PLA2G12A: variants seen among roughly 807,000 people sequenced by gnomAD.
The protein encoded by PLA2G12A is group XIIA secretory phospholipase A2.
A neutral mutation model predicts 16.0 loss-of-function variants in PLA2G12A; 11 were observed. The observed-to-expected ratio is 0.69, with a 90% CI of 0.43 to 1.13. The LOEUF (loss-of-function observed/expected upper bound fraction) is 1.13, where lower values mean the gene tolerates loss of function less well. PLA2G12A is among the 50% of genes most tolerant of loss of function. The pLI is 0.00. For synonymous variants in PLA2G12A, 77 were observed against 93.8 expected, an observed-to-expected ratio of 0.82 and a Z score of 1.03; for missense variants, 214 against 237.3, an observed-to-expected ratio of 0.90 and a Z score of 0.65.
chr4:109,723,862 T>C (rs2126168252), intron 1 of PLA2G12A, among the ~76,000 whole-genome samples: 1 of 152,348 alleles, frequency 6.6e-6, no homozygotes, highest in East Asian at 1.9e-4. Context: ...AACTGGACTG[T>C]TTTAAATTTA....
At chr4:109,726,199 T>C (rs1722935316) in intron 1 of PLA2G12A, among the ~76,000 whole-genome samples, 1 of 152,200 alleles carries the variant, frequency 6.6e-6, no homozygotes. Context: ...TACCCAAGGC[T>C]ATGACTCCAA....
chr4:109,718,584 T>G (rs1000161169), intron 2 of PLA2G12A, 99 bp downstream of exon 2: 2 of 925,348 alleles, frequency 2.2e-6, no homozygotes, highest in Non-Finnish European at 3.3e-6. Context: ...CCCAGCTAAA[T>G]TATTTGTGAA....
chr4:109,713,253 GAA>G lies in PLA2G12A; in HGVS notation c.*1122_*1123del, dbSNP rs1730768440. 1 of 152,144 alleles carries G rather than the reference GAA, an allele frequency of 6.6e-6. No homozygotes were observed. Among genetic ancestry groups the G allele is most frequent in the East Asian group, 1.9e-4 (1 of 5,190 alleles). The allele number at this position is 152,144 out of a possible 1,614,324, so 9.4% of individuals were successfully genotyped here. On this transcript the variant is annotated 3_prime_UTR_variant, in exon 4 of 4. Transcript: ENST00000243501. ...ACATAACTGAGCATTCCAAGAGATT[GAA>G]AAGTTTTCAACATTCATAGACATCT...
intron 1 of PLA2G12A, among the ~76,000 whole-genome samples, chr4:109,720,673 GA>G (rs1317977758): frequency 7.7e-6 from 1 of 129,072 alleles, no homozygotes; most frequent in Non-Finnish European, 1.6e-5. Context: ...AAAAGAAAGA[GA>G]AAAAAATAAA....
chr4:109,729,248 A>T (rs1722997547), intron 1 of PLA2G12A, among the ~76,000 whole-genome samples: 1 of 152,108 alleles, frequency 6.6e-6, no homozygotes, highest in Non-Finnish European at 1.5e-5. Context: ...AGAAGCAAAA[A>T]TGAGCTAAAA....
chr4:109,716,794 T>A (rs1053185262), intron 3 of PLA2G12A, among the ~76,000 whole-genome samples: 2 of 152,190 alleles, frequency 1.3e-5, no homozygotes, highest in African/African-American at 4.8e-5. Flanking sequence ...CTGGGGACCT[T>A]CCCAACAGAA....
At position 109,730,004 on chromosome 4, in the gene PLA2G12A, G is replaced by C; in HGVS notation, c.-195C>G. 1 of 527,584 alleles carries C rather than the reference G, an allele frequency of 1.9e-6. No homozygotes were observed. Among genetic ancestry groups the C allele is most frequent in the Admixed American group, 4.1e-5 (1 of 24,146 alleles). The allele number at this position is 527,584 out of a possible 1,614,324, so 32.7% of individuals were successfully genotyped here. Reference sequence around the variant, plus strand: ...ACCGCCTCGGGCAGGCAGCGCCGTCGCGGGGACGCGCCCGCTCACCTGGAC... The same window carrying C: ...ACCGCCTCGGGCAGGCAGCGCCGTCCCGGGGACGCGCCCGCTCACCTGGAC... On this transcript the variant is annotated 5_prime_UTR_variant, in exon 1 of 4. Coordinates refer to ENST00000243501, the MANE Select transcript of PLA2G12A (RefSeq NM_030821.5).
rs1186311632 is a variant in PLA2G12A at position 109,712,940 on chromosome 4, C to T, written c.*1437G>A. ...CAAGGCATACATGTGCCTTGTCTCACTGGAACAGCTGCCACCAATTCAAGT... is the reference window on the plus strand; with the variant it reads ...CAAGGCATACATGTGCCTTGTCTCATTGGAACAGCTGCCACCAATTCAAGT... On this transcript the variant is annotated 3_prime_UTR_variant, in exon 4 of 4. Transcript: ENST00000243501. 6.6e-6 allele frequency: 1 copy of T among 152,234 alleles called. No individual in the cohort carries two copies. The highest frequency in any genetic ancestry group is 1.5e-5 in the Non-Finnish European group (1 of 68,042). The allele number at this position is 152,234 out of a possible 1,614,324, so 9.4% of individuals were successfully genotyped here.
chr4:109,714,470 CAA>C lies in PLA2G12A; in HGVS notation c.475_476del (p.Leu159ValfsTer2), dbSNP rs1313853204. On this transcript the variant is annotated frameshift_variant, in exon 4 of 4. Coordinates refer to ENST00000243501, the MANE Select transcript of PLA2G12A (RefSeq NM_030821.5). LOFTEE classifies it high-confidence loss of function. Reference protein sequence around the residue: ...VQACETTVELLFDSVIHLGCK... With the variant: ...VQACETTVELXFDSVIHLGCK... ...AACCTAAATGTATAACACTGTCAAA[CAA>C]GAGCTCCACTGTTGTTTCACATGCT... 2 of 1,613,706 alleles carry C rather than the reference CAA, an allele frequency of 1.2e-6. No homozygotes were observed. Among genetic ancestry groups the C allele is most frequent in the African/African-American group, 2.7e-5 (2 of 74,890 alleles).
At chr4:109,725,787 A>G (rs1722923617) in intron 1 of PLA2G12A, among the ~76,000 whole-genome samples, 1 of 152,188 alleles carries the variant, frequency 6.6e-6, no homozygotes, top group Admixed American at 6.5e-5. Flanking sequence ...ACCTGACAGA[A>G]TATGAAGCAG....
intron 3 of PLA2G12A, among the ~76,000 whole-genome samples, chr4:109,716,074 G>A (rs1022105781): frequency 3.3e-5 from 5 of 152,220 alleles, no homozygotes; most frequent in Non-Finnish European, 5.9e-5. Flanking sequence ...GTTACAAGAT[G>A]ATTGGTTTCA....
At chr4:109,718,834 T>C in intron 1 of PLA2G12A, 75 bp from the exon 2 acceptor site, 1 of 938,032 alleles carries the variant, frequency 1.1e-6, no homozygotes, top group Non-Finnish European at 1.6e-6. Context: ...AAGGTCAATA[T>C]GCTACATTAG....
chr4:109,729,037 A>G lies in PLA2G12A; in HGVS notation c.208+565T>C, dbSNP rs1722991197. ...TTAACGTTAACCAACAATGAGGAGGAGGCGGGTCACTGATATCTAAGGAAA... is the reference window on the plus strand; with the variant it reads ...TTAACGTTAACCAACAATGAGGAGGGGGCGGGTCACTGATATCTAAGGAAA... On this transcript the variant is annotated intron_variant, in intron 1 of 3. Transcript: ENST00000243501. Among the ~76,000 whole-genome samples, 3 of 152,186 alleles carry G rather than the reference A, an allele frequency of 2.0e-5. No homozygotes were observed. In the South Asian group the frequency reaches 6.2e-4, roughly 32 times the overall value.
chr4:109,720,574 CAAAAAAAAAAAAAAAA>C lies in PLA2G12A; in HGVS notation c.209-1831_209-1816del, dbSNP rs61477793. On this transcript the variant is annotated intron_variant, in intron 1 of 3. Transcript: ENST00000243501. ...AACATGATGAGACTCTGTCTGTATT[CAAAAAAAAAAAAAAAA>C]AAAAAAAAAAAAAAATATATATATA... 4.0e-3 allele frequency among the ~76,000 whole-genome samples: 148 copies of C among 37,324 alleles called. 1 individual carries two copies. Among genetic ancestry groups the C allele is most frequent in the Non-Finnish European group, 5.0e-3 (112 of 22,604 alleles). 24.5% of individuals were successfully genotyped at this position (37,324 alleles called of 152,430 possible). A position where few individuals can be genotyped will look rare whatever the true frequency, so the allele number is the denominator to read the frequency against.
intron 1 of PLA2G12A, among the ~76,000 whole-genome samples, chr4:109,725,936 T>C (rs1318463436): frequency 6.6e-6 from 1 of 152,200 alleles, no homozygotes; most frequent in Non-Finnish European, 1.5e-5. Flanking sequence ...CTTATATTAC[T>C]TTATTTTTCT....
In PLA2G12A at chr4:109,714,053, G is replaced by C. The variant is rs1293798652; in HGVS notation, c.*324C>G. On this transcript the variant is annotated 3_prime_UTR_variant, in exon 4 of 4. Transcript: ENST00000243501. ...TATTTGATCTCTTTTTTTGGTAAAT[G>C]TGGTTGTGAAAATTGAGTTATATAT... 1.4e-5 allele frequency: 3 copies of C among 214,018 alleles called. No individual in the cohort carries two copies. Among genetic ancestry groups the C allele is most frequent in the African/African-American group, 6.8e-5 (3 of 44,176 alleles). 13.3% of individuals were successfully genotyped at this position (214,018 alleles called of 1,614,324 possible). A position where few individuals can be genotyped will look rare whatever the true frequency, so the allele number is the denominator to read the frequency against.
intron 1 of PLA2G12A, among the ~76,000 whole-genome samples, chr4:109,719,372 T>C (rs935896437): frequency 3.3e-5 from 5 of 152,082 alleles, no homozygotes; most frequent in Non-Finnish European, 5.9e-5. Context: ...ACAAATATAC[T>C]TCTTTGCCAT....
intron 1 of PLA2G12A, among the ~76,000 whole-genome samples, chr4:109,721,399 G>A (rs1418218123): frequency 6.7e-6 from 1 of 148,184 alleles, no homozygotes; most frequent in African/African-American, 2.5e-5. Context: ...TTGGCTCATC[G>A]CAACCTCTGC....
At chr4:109,717,262 A>G (rs1419008916) in intron 3 of PLA2G12A, among the ~76,000 whole-genome samples, 1 of 152,226 alleles carries the variant, frequency 6.6e-6, no homozygotes, top group Admixed American at 6.5e-5. Context: ...AGGTTCTTAC[A>G]TGATGACTGG....
Sources: allele counts gnomAD v4.1 joint callset (sites outside exome capture counted in the v4.1 genomes callset), GRCh38; gene constraint gnomAD v4.1.1; transcripts MANE v1.5; gene names NCBI Gene and HGNC (gene_info 2026-07-23, HGNC 2026-07-21).